Variants in RUNDC3B observed in about 807,000 individuals in gnomAD.
The protein encoded by RUNDC3B is RUN domain containing 3B, also known as RUN domain-containing protein 3B.
Under a neutral mutation model 58.4 loss-of-function variants are expected in RUNDC3B, and 33 were observed. The ratio of observed to expected loss-of-function variants is 0.56; its 90% confidence interval spans 0.43 to 0.75. RUNDC3B has a LOEUF of 0.75. Among genes scored for constraint, RUNDC3B ranks in the 30% least tolerant of loss-of-function variants. The probability of loss-of-function intolerance (pLI) is 0.00; values close to 1 mark genes in which losing one functional copy is unlikely to be tolerated. For synonymous variants in RUNDC3B, 193 were observed against 195.2 expected (o/e 0.99, Z 0.10); for missense variants, 501 against 535.7 (o/e 0.94, Z 0.64).
At chr7:87,629,629 A>G (rs984824483) in intron 1 of RUNDC3B, among the ~76,000 whole-genome samples, 3 of 152,148 alleles carry the variant, frequency 2.0e-5, no homozygotes, top group Non-Finnish European at 4.4e-5. Flanking sequence ...GAAACAATAA[A>G]AGAATAATTA....
At chr7:87,757,594 G>A (rs1050891001) in intron 6 of RUNDC3B, among the ~76,000 whole-genome samples, 2 of 152,052 alleles carry the variant, frequency 1.3e-5, no homozygotes, top group African/African-American at 4.8e-5. Flanking sequence ...ATCACACCAA[G>A]CAATCTATAG....
intron 2 of RUNDC3B, among the ~76,000 whole-genome samples, chr7:87,656,358 G>A (rs979036011): frequency 2.0e-5 from 3 of 151,934 alleles, no homozygotes; most frequent in Admixed American, 6.6e-5. Flanking sequence ...TAGACAATAC[G>A]GTATGCATTA....
At chr7:87,630,009 A>G (rs1821052616) in intron 1 of RUNDC3B, among the ~76,000 whole-genome samples, 1 of 152,046 alleles carries the variant, frequency 6.6e-6, no homozygotes, top group South Asian at 2.1e-4. Flanking sequence ...TTTAAGTCTT[A>G]TATCTGAGTA....
At chr7:87,789,743 G>A (rs903378223) in intron 8 of RUNDC3B, among the ~76,000 whole-genome samples, 8 of 152,070 alleles carry the variant, frequency 5.3e-5, no homozygotes, top group Admixed American at 1.3e-4. Context: ...GGTATTAATC[G>A]GAAATTAGAT....
chr7:87,750,821 T>C (rs1322088224), intron 6 of RUNDC3B, among the ~76,000 whole-genome samples: 3 of 151,020 alleles, frequency 2.0e-5, no homozygotes, highest in African/African-American at 4.9e-5. Flanking sequence ...TTCTCCCATT[T>C]TGTAGGTTGC....
In RUNDC3B at chr7:87,628,766, A is replaced by C. The variant is rs891035895; in HGVS notation, c.-58A>C. On this transcript the variant is annotated 5_prime_UTR_variant, in exon 1 of 11. Transcript: ENST00000394654. ...GGACCGAGCGAGAACCCCCTTAAGC[A>C]GGTGTGGGGGGCGTGCGGGGTGGCA... 2.8e-6 allele frequency: 3 copies of C among 1,058,312 alleles called. No homozygotes were observed. Among genetic ancestry groups the C allele is most frequent in the African/African-American group, 3.3e-5 (2 of 60,922 alleles). The allele number at this position is 1,058,312 out of a possible 1,614,324, so 65.6% of individuals were successfully genotyped here.
intron 2 of RUNDC3B, among the ~76,000 whole-genome samples, chr7:87,675,804 A>T (rs921048103): frequency 2.0e-5 from 3 of 152,112 alleles, no homozygotes; most frequent in Non-Finnish European, 4.4e-5. Flanking sequence ...CTGTAAAATT[A>T]CTAAAAGAAA....
intron 2 of RUNDC3B, among the ~76,000 whole-genome samples, chr7:87,687,332 C>A (rs560960968): frequency 6.6e-5 from 10 of 151,868 alleles, no homozygotes; most frequent in African/African-American, 2.2e-4. Flanking sequence ...ATGGTTAACA[C>A]CCTCATCCAT....
intron 10 of RUNDC3B, among the ~76,000 whole-genome samples, chr7:87,817,299 G>A (rs1162494716): frequency 6.6e-6 from 1 of 152,190 alleles, no homozygotes; most frequent in Non-Finnish European, 1.5e-5. Context: ...CTTGGAGCAA[G>A]CTGCTTGCCC....
intron 8 of RUNDC3B, among the ~76,000 whole-genome samples, chr7:87,779,416 A>G (rs1834815081): frequency 6.6e-6 from 1 of 152,176 alleles, no homozygotes; most frequent in African/African-American, 2.4e-5. Flanking sequence ...TTATGATTAG[A>G]ATGAGCTTAT....
At chr7:87,815,996 C>G in intron 9 of RUNDC3B, 145 bp from the exon 10 acceptor site, 1 of 604,874 alleles carries the variant, frequency 1.7e-6, no homozygotes, top group Admixed American at 3.0e-5. Context: ...CATACTGAAG[C>G]CAAGAATATG....
At chr7:87,822,747 A>G (rs1837550831) in intron 10 of RUNDC3B, among the ~76,000 whole-genome samples, 1 of 152,202 alleles carries the variant, frequency 6.6e-6, no homozygotes. Context: ...AGGGACATGG[A>G]TGAAACTGGA....
At chr7:87,765,388 T>C (rs1214875330) in intron 6 of RUNDC3B, among the ~76,000 whole-genome samples, 1 of 151,954 alleles carries the variant, frequency 6.6e-6, no homozygotes, top group Non-Finnish European at 1.5e-5. Flanking sequence ...GTGTAACATT[T>C]GGTTGCTAAT....
chr7:87,647,664 G>C (rs1823146133), intron 1 of RUNDC3B, among the ~76,000 whole-genome samples: 1 of 152,020 alleles, frequency 6.6e-6, no homozygotes, highest in Admixed American at 6.6e-5. Context: ...GTTTCAATTT[G>C]AATTACCATT....
intron 3 of RUNDC3B, 111 bp from the exon 4 acceptor site, chr7:87,710,459 A>T: frequency 1.6e-6 from 1 of 642,172 alleles, no homozygotes; most frequent in Non-Finnish European, 2.7e-6. Flanking sequence ...AGTCGTTATC[A>T]AATGTATATT....
intron 2 of RUNDC3B, chr7:87,694,123 G>A (rs1828282376): frequency 2.9e-6 from 2 of 699,900 alleles, no homozygotes; most frequent in Admixed American, 6.3e-5. Context: ...AATCCAGAGA[G>A]CACAAGTATG....
chr7:87,729,867 T>C (rs1831475868), intron 4 of RUNDC3B, among the ~76,000 whole-genome samples: 3 of 152,146 alleles, frequency 2.0e-5, no homozygotes, highest in Non-Finnish European at 4.4e-5. Flanking sequence ...GGACTTTGTA[T>C]TGAAACTTGG....
At chr7:87,683,630 G>A (rs1181056361) in intron 2 of RUNDC3B, among the ~76,000 whole-genome samples, 3 of 152,148 alleles carry the variant, frequency 2.0e-5, no homozygotes, top group Non-Finnish European at 2.9e-5. Context: ...TTTTATACAG[G>A]TGTGGTTCAT....
At chr7:87,635,003 A>G (rs1470892642) in intron 1 of RUNDC3B, among the ~76,000 whole-genome samples, 2 of 152,186 alleles carry the variant, frequency 1.3e-5, no homozygotes, top group Admixed American at 1.3e-4. Context: ...CTGCATTCAT[A>G]TTAATTGACA....
Sources: gnomAD v4.1 joint callset for allele counts (sites outside exome capture counted in the v4.1 genomes callset) on GRCh38, gnomAD v4.1.1 for gene constraint, MANE v1.5 for transcripts, NCBI Gene and HGNC (gene_info 2026-07-23, HGNC 2026-07-21) for gene names.